The following REEP1 variants were observed in gnomAD, a reference collection of about 807,000 sequenced individuals.
REEP1 encodes receptor expression-enhancing protein 1.
Under a neutral mutation model 40.3 loss-of-function variants are expected in REEP1, and 22 were observed. The ratio of observed to expected loss-of-function variants is 0.55; its 90% CI spans 0.39 to 0.78. The LOEUF is 0.78. Among genes scored for constraint, REEP1 ranks in the 30% least tolerant of loss-of-function variants. The probability of loss-of-function intolerance (pLI) is 0.00; values close to 1 mark genes in which losing one functional copy is unlikely to be tolerated. For missense variants in REEP1, 280 were observed against 361.1 expected, an observed-to-expected ratio of 0.78 and a Z score of 1.82; for synonymous variants, 116 against 139.2, an observed-to-expected ratio of 0.83 and a Z score of 1.17.
chr2:86,300,311 G>T (rs1324831240), intron 1 of REEP1, among the ~76,000 whole-genome samples: 1 of 152,042 alleles, frequency 6.6e-6, no homozygotes, highest in Admixed American at 6.6e-5. Context: ...GCTGAGAACT[G>T]TGCCTCTCAT....
At chr2:86,258,760 C>T (rs984537830) in intron 3 of REEP1, among the ~76,000 whole-genome samples, 1 of 152,202 alleles carries the variant, frequency 6.6e-6, no homozygotes, top group African/African-American at 2.4e-5. Context: ...TTGAAGAGCC[C>T]TGACCTCTGA....
At chr2:86,334,586 G>A (rs775869744) in intron 1 of REEP1, among the ~76,000 whole-genome samples, 5 of 152,104 alleles carry the variant, frequency 3.3e-5, no homozygotes, top group Non-Finnish European at 5.9e-5. Flanking sequence ...CAGATGAGGG[G>A]GAGGACTAGA....
At chr2:86,254,218 A>G (rs1013589626) in intron 4 of REEP1, among the ~76,000 whole-genome samples, 54 of 152,308 alleles carry the variant, frequency 3.5e-4, no homozygotes, top group African/African-American at 1.2e-3. Context: ...TTTTTAAGAG[A>G]TGGGGACTCT....
intron 1 of REEP1, among the ~76,000 whole-genome samples, chr2:86,315,950 G>GCT (rs1330674830): frequency 6.6e-6 from 1 of 152,154 alleles, no homozygotes; most frequent in Non-Finnish European, 1.5e-5. Flanking sequence ...CATAGGAGAT[G>GCT]CTCTCTCTCT....
chr2:86,323,506 C>T (rs150467268), intron 1 of REEP1, among the ~76,000 whole-genome samples: 223 of 152,284 alleles, frequency 1.5e-3, no homozygotes, highest in Non-Finnish European at 2.3e-3. Context: ...GCATTAGATT[C>T]TCATGGGAGC....
chr2:86,256,034 G>A (rs903015960), intron 3 of REEP1, among the ~76,000 whole-genome samples: 6 of 152,104 alleles, frequency 3.9e-5, no homozygotes, highest in Admixed American at 2.6e-4. Context: ...CCCACAAGGT[G>A]AGCCAATTGC....
chr2:86,287,337 C>T (rs1175758883), intron 1 of REEP1, among the ~76,000 whole-genome samples: 2 of 152,200 alleles, frequency 1.3e-5, no homozygotes, highest in African/African-American at 4.8e-5. Flanking sequence ...ATCCACCCGC[C>T]TCAGCTTCTC....
chr2:86,277,156 A>T (rs536398426), intron 2 of REEP1, among the ~76,000 whole-genome samples: 3 of 152,306 alleles, frequency 2.0e-5, no homozygotes, highest in African/African-American at 7.2e-5. Flanking sequence ...GATCCTAATT[A>T]TCAAGGGGAA....
At chr2:86,299,753 A>G (rs1295863324) in intron 1 of REEP1, among the ~76,000 whole-genome samples, 2 of 152,242 alleles carry the variant, frequency 1.3e-5, no homozygotes, top group African/African-American at 4.8e-5. Flanking sequence ...CTAATAAACT[A>G]TGGTTTAACT....
chr2:86,293,110 G>A (rs374001423), intron 1 of REEP1, among the ~76,000 whole-genome samples: 71 of 152,134 alleles, frequency 4.7e-4, no homozygotes, highest in African/African-American at 1.6e-3. Flanking sequence ...TTGTTTGTTC[G>A]TTCATCCAAC....
chr2:86,248,539 C>T (rs556943443), intron 5 of REEP1, among the ~76,000 whole-genome samples: 2 of 152,188 alleles, frequency 1.3e-5, no homozygotes, highest in South Asian at 4.1e-4. Flanking sequence ...TTTCTACCTC[C>T]CGGGCTCAAG....
At chr2:86,311,391 A>G (rs145278946) in intron 1 of REEP1, among the ~76,000 whole-genome samples, 75 of 152,294 alleles carry the variant, frequency 4.9e-4, no homozygotes, top group African/African-American at 1.8e-3. Flanking sequence ...TAAATTTCCT[A>G]GCTTAAAACA....
chr2:86,254,915 G>A, intron 3 of REEP1, 101 bp from the exon 4 acceptor site: 2 of 1,308,184 alleles, frequency 1.5e-6, no homozygotes, highest in South Asian at 2.5e-5. Flanking sequence ...TCTCCTGCTT[G>A]CATGTGGCTG....
chr2:86,227,813 T>C (rs939053046), intron 6 of REEP1, among the ~76,000 whole-genome samples: 1 of 152,118 alleles, frequency 6.6e-6, no homozygotes, highest in East Asian at 1.9e-4. Flanking sequence ...TGCAAAGGCC[T>C]AACTGGCTGC....
chr2:86,263,287 T>C (rs1676960624), intron 3 of REEP1, among the ~76,000 whole-genome samples: 1 of 152,242 alleles, frequency 6.6e-6, no homozygotes, highest in Admixed American at 6.5e-5. Flanking sequence ...TGGAGTGCAA[T>C]GATGCGATCT....
intron 1 of REEP1, among the ~76,000 whole-genome samples, chr2:86,326,869 G>A (rs1680534438): frequency 6.6e-6 from 1 of 152,150 alleles, no homozygotes; most frequent in Non-Finnish European, 1.5e-5. Flanking sequence ...TTATCTTCTA[G>A]CCACCCACAG....
At chr2:86,316,822 G>A (rs568899006) in intron 1 of REEP1, among the ~76,000 whole-genome samples, 66 of 152,246 alleles carry the variant, frequency 4.3e-4, no homozygotes, top group African/African-American at 1.5e-3. Flanking sequence ...TCGTGCCATC[G>A]CACTCCAGCC....
rs1397512867 is a variant in REEP1, at chr2:86,293,741, C to G, written c.33-11499G>C. Among the ~76,000 whole-genome samples, 4 of 152,342 alleles carry G rather than the reference C, an allele frequency of 2.6e-5. No individual in the cohort carries two copies. In the East Asian group the frequency reaches 7.7e-4, roughly 29 times the overall value. On this transcript the variant is annotated intron_variant, in intron 1 of 8. Coordinates refer to ENST00000538924, the MANE Select transcript of REEP1 (RefSeq NM_001371279.1). ...TCCTATGACACCATGTGAACAAACA[C>G]TGCCAAGTGAGGCTGGTCTTATACG...
At chr2:86,232,842 C>A in intron 5 of REEP1, 40 bp from the exon 6 acceptor site, 1 of 1,581,092 alleles carries the variant, frequency 6.3e-7, no homozygotes. Context: ...AGAGGTCCTG[C>A]TCCACAGGTC....
Sources: gnomAD v4.1 joint callset for allele counts (sites outside exome capture counted in the v4.1 genomes callset) on GRCh38, gnomAD v4.1.1 for gene constraint, MANE v1.5 for transcripts, NCBI Gene and HGNC (gene_info 2026-07-23, HGNC 2026-07-21) for gene names.